The following IGDCC4 variants were observed in gnomAD, a reference collection of about 807,000 sequenced individuals.
IGDCC4 encodes the protein likely ortholog of mouse neighbor of Punc E11.
A neutral mutation model predicts 116.6 loss-of-function variants in IGDCC4; 72 were observed. The observed-to-expected ratio is 0.62, with a 90% CI of 0.51 to 0.75. The LOEUF is 0.75. Ranked by LOEUF, IGDCC4 falls within the 30% of genes least tolerant of loss-of-function variation. IGDCC4 has a pLI of 0.00. For synonymous variants in IGDCC4, 709 were observed against 719.9 expected (o/e 0.98, Z 0.24); for missense variants, 1,501 against 1,662.4 (o/e 0.90, Z 1.69).
intron 1 of IGDCC4, among the ~76,000 whole-genome samples, chr15:65,415,397 G>A (rs2063133646): frequency 6.6e-6 from 1 of 152,232 alleles, no homozygotes; most frequent in African/African-American, 2.4e-5. Context: ...GCTGGCTGGG[G>A]AGCCCAGAGG....
chr15:65,391,853 C>T (rs2091517993), intron 12 of IGDCC4, 27 bp downstream of exon 12: 2 of 1,603,110 alleles, frequency 1.2e-6, no homozygotes, highest in Non-Finnish European at 8.5e-7. Flanking sequence ...CTGAGCCCTC[C>T]CCGCCTTCTT....
At position 65,396,450 on chromosome 15, in the gene IGDCC4, C is replaced by A. The variant is rs375274933; in HGVS notation, c.998-287G>T. 3.0e-5 allele frequency: 18 copies of A among 607,012 alleles called. 1 individual carries two copies. The highest frequency in any genetic ancestry group is 1.2e-4 in the East Asian group (4 of 33,308). 37.6% of individuals were successfully genotyped at this position (607,012 alleles called of 1,614,324 possible). A position where few individuals can be genotyped will look rare whatever the true frequency, so the allele number is the denominator to read the frequency against. ...TTGCTCCTCCCGGATCTAACCCCAC[C>A]CCTAAATTTACCCATCTCCTTCCTC... On this transcript the variant is annotated intron_variant, in intron 6 of 19. Coordinates refer to ENST00000352385, the MANE Select transcript of IGDCC4 (RefSeq NM_020962.3).
At chr15:65,414,792 C>T (rs531948286) in intron 1 of IGDCC4, among the ~76,000 whole-genome samples, 1 of 152,212 alleles carries the variant, frequency 6.6e-6, no homozygotes, top group Admixed American at 6.5e-5. Context: ...CAGGCATGCG[C>T]CATCACACCT....
In IGDCC4 at chr15:65,390,080, C is replaced by A. The variant is rs374243904; in HGVS notation, c.2408+75G>T. 4.9e-4 allele frequency: 662 copies of A among 1,347,920 alleles called. 3 individuals are homozygous for A. The South Asian group carries it at 9.1e-3, about 19-fold the overall frequency. 83.5% of individuals were successfully genotyped at this position (1,347,920 alleles called of 1,614,324 possible). On this transcript the variant is annotated intron_variant, in intron 13 of 19. Coordinates refer to ENST00000352385, the MANE Select transcript of IGDCC4 (RefSeq NM_020962.3). Reference sequence around the variant, plus strand: ...CCCAGGGGCCCTTCCCTGATCACCACCTGCTGCCTTCCCACCACCACCCCC... The same window carrying A: ...CCCAGGGGCCCTTCCCTGATCACCAACTGCTGCCTTCCCACCACCACCCCC...
intron 1 of IGDCC4, among the ~76,000 whole-genome samples, chr15:65,414,457 G>A (rs903431887): frequency 2.0e-5 from 3 of 152,198 alleles, no homozygotes; most frequent in African/African-American, 7.2e-5. Context: ...TGACCTTGGG[G>A]AAGAAGATCA....
At position 65,384,924 on chromosome 15, in the gene IGDCC4, T is replaced by G. The variant is rs1311459338; in HGVS notation, c.3342+30A>C. ...CACAAGCACAGAGACCCTTTCCTCC[T>G]TTCCTGCCCCTTCCTTCCAGGACGC... is the stretch of plus-strand genomic sequence containing the variant. On this transcript the variant is annotated intron_variant, in intron 19 of 19. Coordinates refer to ENST00000352385, the MANE Select transcript of IGDCC4 (RefSeq NM_020962.3). The surrounding 1 kb of genome is among the most constrained non-coding windows in gnomAD (Gnocchi z 4.9). 1.9e-6 allele frequency: 3 copies of G among 1,585,908 alleles called. No individual in the cohort carries two copies. In the Admixed American group the frequency reaches 5.3e-5, roughly 28 times the overall value.
At position 65,396,925 on chromosome 15, in the gene IGDCC4, C is replaced by G; in HGVS notation, c.906G>C (p.Ala302=). The G allele has an allele frequency of 1.3e-6, 2 of 1,574,850 alleles. No individual in the cohort carries two copies. Among genetic ancestry groups the G allele is most frequent in the African/African-American group, 1.3e-5 (1 of 74,332 alleles). The change falls in exon 6 of 20, where the codon GCG becomes GCC. Residue 302 remains alanine, a synonymous_variant. Transcript: ENST00000352385. Reference sequence around the variant, plus strand: ...CATAGACGCCGGAGTGCCAGGGCTGCGCGTTGGCAATTAGTAGGTTGGTGC... The same window carrying G: ...CATAGACGCCGGAGTGCCAGGGCTGGGCGTTGGCAATTAGTAGGTTGGTGC... ...LGRTNLLIAN[A]QPWHSGVYVC...
chr15:65,384,957 T>C lies in IGDCC4; in HGVS notation c.3339A>G (p.Ile1113Met), dbSNP rs1567078432. The C allele has an allele frequency of 1.9e-6, 3 of 1,609,846 alleles. No homozygotes were observed. In the African/African-American group the frequency reaches 4.1e-5, roughly 22 times the overall value. ...CCCTTCCTTCCAGGACGCTGACCTT[T>C]ATGGCGTCGTACACCAGAGCCTGCA... ...LLLQALVYDA[I>M]KGNGRKKSPP... The change falls in exon 19 of 20, where the codon ATA (isoleucine) becomes ATG (methionine). Residue 1113 changes from isoleucine to methionine, a missense_variant. Transcript: ENST00000352385. This position sits in a 1 kb window ranked among gnomAD's most constrained non-coding sequence, Gnocchi z 4.9.
Position 65,388,351 on chromosome 15 carries a change from T to G in IGDCC4, c.2845+98A>C, listed in dbSNP as rs964070451. 3 of 1,536,458 alleles carry G rather than the reference T, an allele frequency of 2.0e-6. No homozygotes were observed. In the African/African-American group the frequency reaches 4.1e-5, roughly 21 times the overall value. ...ACATTTGCTCTGCCCCCACCAAACC[T>G]GGAGGACAGCTGTGCAAAACAATGA... is the stretch of plus-strand genomic sequence containing the variant. On this transcript the variant is annotated intron_variant, in intron 16 of 19. Transcript: ENST00000352385.
intron 1 of IGDCC4, 67 bp from the exon 2 acceptor site, chr15:65,411,437 A>T: frequency 7.3e-7 from 1 of 1,365,794 alleles, no homozygotes; most frequent in Non-Finnish European, 9.8e-7. Flanking sequence ...TCTGCTCCTG[A>T]GTCACCCATG....
At chr15:65,419,749 T>C (rs2063173585) in intron 1 of IGDCC4, among the ~76,000 whole-genome samples, 1 of 152,154 alleles carries the variant, frequency 6.6e-6, no homozygotes, top group Non-Finnish European at 1.5e-5. Context: ...ACCCTCCAAA[T>C]TCTGACTTGG....
rs749703645 is a variant in IGDCC4, at chr15:65,392,147, C to T, written c.2109G>A (p.Glu703=). The change falls in exon 11 of 20, where the codon GAG becomes GAA. Residue 703 remains glutamate (E), a synonymous_variant. Coordinates refer to ENST00000352385, the MANE Select transcript of IGDCC4 (RefSeq NM_020962.3). ...AGCCCTCCTCACCTAGCTGGGTCAG[C>T]TCATACTGCTTCACTTTCTTCTTGA... is the stretch of plus-strand genomic sequence containing the variant. ...VRLKKKVKQY[E]LTQLVPGRLY... is the part of the protein sequence containing the mutation. The T allele has an allele frequency of 2.5e-5, 40 of 1,610,144 alleles. No homozygotes were observed. The South Asian group carries it at 4.4e-4, about 18-fold the overall frequency.
At position 65,381,786 on chromosome 15, in the gene IGDCC4, A is replaced by G. The variant is rs990610494; in HGVS notation, c.*2223T>C. The G allele has an allele frequency of 3.3e-5, 5 of 152,598 alleles. No homozygotes were observed. Among genetic ancestry groups the G allele is most frequent in the Non-Finnish European group, 5.9e-5 (4 of 68,042 alleles). The allele number at this position is 152,598 out of a possible 1,614,324, so 9.5% of individuals were successfully genotyped here. On this transcript the variant is annotated 3_prime_UTR_variant, in exon 20 of 20. Transcript: ENST00000352385. ...ATTCTTTTCTAATAAAAATACTGCTACAAAGACACAAACCTAACACTTCCA... is the reference window on the plus strand; with the variant it reads ...ATTCTTTTCTAATAAAAATACTGCTGCAAAGACACAAACCTAACACTTCCA...
chr15:65,393,487 T>C lies in IGDCC4; in HGVS notation c.1759A>G (p.Met587Val). 1 of 1,610,308 alleles carries C rather than the reference T, an allele frequency of 6.2e-7. No homozygotes were observed. Among genetic ancestry groups the C allele is most frequent in the Non-Finnish European group, 8.5e-7 (1 of 1,177,902 alleles). ...TEVRGNETQL[M>V]LNSLQPNKVY... Reference sequence around the variant, plus strand: ...TTGTTTGGCTGAAGCGAGTTCAGCATAAGCTGTGTCTCATTTCCTCGCACC... The same window carrying C: ...TTGTTTGGCTGAAGCGAGTTCAGCACAAGCTGTGTCTCATTTCCTCGCACC... The change falls in exon 10 of 20, where the codon ATG becomes GTG. Residue 587 changes from methionine to valine, a missense_variant. Coordinates refer to ENST00000352385, the MANE Select transcript of IGDCC4 (RefSeq NM_020962.3). The surrounding 1 kb of genome is among the most constrained non-coding windows in gnomAD (Gnocchi z 4.6).
At chr15:65,422,688 G>T in intron 1 of IGDCC4, 105 bp downstream of exon 1, 2 of 948,272 alleles carry the variant, frequency 2.1e-6, no homozygotes, top group Non-Finnish European at 2.7e-6. Context: ...CCCCGCACTT[G>T]CTCGGGACTC....
Position 65,395,876 on chromosome 15 carries a change from G to T in IGDCC4, c.1285C>A (p.Pro429Thr). The change falls in exon 7 of 20, where the codon CCC becomes ACC. Residue 429 changes from proline to threonine, a missense_variant. Physicochemically the swap from Pro to Thr is conservative, Grantham distance 38. Transcript: ENST00000352385. ...GCAGTGACCCGCGTGGGGGCGCTGG[G>T]CAGCCCCTCGCGCACCACCACGGCC... ...SLAVVVREGL[P>T]SAPTRVTATP... 6.3e-7 allele frequency: 1 copy of T among 1,585,274 alleles called. No homozygotes were observed. Among genetic ancestry groups the T allele is most frequent in the Non-Finnish European group, 8.5e-7 (1 of 1,172,944 alleles).
rs1026919111 is a variant in IGDCC4, at chr15:65,385,353, C to G, written c.3181-238G>C. On this transcript the variant is annotated intron_variant, in intron 18 of 19. Transcript: ENST00000352385. Reference sequence around the variant, plus strand: ...AACACCAGACGCTCTGCAAAGCCCGCGGTGTCCGAGCCAGGCGGGGAGAGG... The same window carrying G: ...AACACCAGACGCTCTGCAAAGCCCGGGGTGTCCGAGCCAGGCGGGGAGAGG... The G allele has an allele frequency of 5.3e-6, 3 of 567,762 alleles. No homozygotes were observed. In the Admixed American group the frequency reaches 1.0e-4, roughly 20 times the overall value. The allele number at this position is 567,762 out of a possible 1,614,324, so 35.2% of individuals were successfully genotyped here. A position where few individuals can be genotyped will look rare whatever the true frequency, so the allele number is the denominator to read the frequency against.
At position 65,407,848 on chromosome 15, in the gene IGDCC4, C is replaced by T. The variant is rs2063054388; in HGVS notation, c.563+2330G>A. ...ATAGGGTTTCACCATGTTGGTCAGG[C>T]TGGTCTCGAACTCCTGACCTTGTGA... is the stretch of plus-strand genomic sequence containing the variant. On this transcript the variant is annotated intron_variant, in intron 3 of 19. Coordinates refer to ENST00000352385, the MANE Select transcript of IGDCC4 (RefSeq NM_020962.3). Among the ~76,000 whole-genome samples, 4 of 149,654 alleles carry T rather than the reference C, an allele frequency of 2.7e-5. No homozygotes were observed. In the South Asian group the frequency reaches 8.5e-4, roughly 32 times the overall value.
At position 65,408,335 on chromosome 15, in the gene IGDCC4, C is replaced by G. The variant is rs370601845; in HGVS notation, c.563+1843G>C. 4.6e-5 allele frequency among the ~76,000 whole-genome samples: 7 copies of G among 152,298 alleles called. No homozygotes were observed. In the East Asian group the frequency reaches 1.4e-3, roughly 29 times the overall value. The stretch of plus-strand genomic sequence containing the variant: ...AGGCTCTCGCGTGGTTCTCTCCTGC[C>G]TAGCTCATCTGTTCTGGGTTCATGG... On this transcript the variant is annotated intron_variant, in intron 3 of 19. Coordinates refer to ENST00000352385, the MANE Select transcript of IGDCC4 (RefSeq NM_020962.3).
Sources: gnomAD v4.1 joint callset for allele counts (sites outside exome capture counted in the v4.1 genomes callset) on GRCh38, gnomAD v4.1.1 for gene constraint, Gnocchi (gnomAD v3.1) non-coding constraint, MANE v1.5 for transcripts, NCBI Gene and HGNC (gene_info 2026-07-23, HGNC 2026-07-21) for gene names.